The following IQCE variants were observed in gnomAD, a reference collection of about 807,000 sequenced individuals.
IQCE encodes the protein IQ motif containing E.
In IQCE, 115 loss-of-function variants were observed where a neutral mutation model predicts 96.0. That is an observed-to-expected ratio of 1.20 (90% CI 1.03 to 1.40). IQCE has a LOEUF of 1.40. Among genes scored for constraint, IQCE ranks in the 40% most tolerant of loss-of-function variants. The probability of loss-of-function intolerance (pLI) is 0.00; values close to 1 mark genes in which losing one functional copy is unlikely to be tolerated. For synonymous variants in IQCE, 412 were observed against 371.2 expected (o/e 1.11, Z -1.26); for missense variants, 1,041 against 909.1 (o/e 1.15, Z -1.87).
rs76187812 is a variant in IQCE, at chr7:2,608,436, C to T, written c.1969+1209C>T. On this transcript the variant is annotated intron_variant, in intron 21 of 21. Transcript: ENST00000402050. ...CCTGGAAATACCACGTATGAAATCA[C>T]ATTTTATTTTCATTTTTTAACCTAG... Among the ~76,000 whole-genome samples, 305 of 152,366 alleles carry T rather than the reference C, an allele frequency of 2.0e-3. 5 individuals are homozygous for T. The East Asian group carries it at 0.047, about 23-fold the overall frequency.
intron 17 of IQCE, 90 bp from the exon 18 acceptor site, chr7:2,601,351 G>C (rs4506100): frequency 0.73 from 649,577 of 895,956 alleles, 236,454 homozygotes; most frequent in African/African-American, 0.77. Flanking sequence ...TTGGCTTGAT[G>C]GACACCTGTT....
At chr7:2,594,625 CT>C (rs1374430202) in intron 15 of IQCE, among the ~76,000 whole-genome samples, 4 of 152,212 alleles carry the variant, frequency 2.6e-5, no homozygotes, top group Admixed American at 1.3e-4. Flanking sequence ...GTGCTGGGCC[CT>C]GGGGGTCCTC....
intron 18 of IQCE, among the ~76,000 whole-genome samples, chr7:2,602,339 T>C (rs1784490312): frequency 6.6e-6 from 1 of 152,348 alleles, no homozygotes; most frequent in South Asian, 2.1e-4. Context: ...GTTCCAGCCA[T>C]GACCCTTTTT....
chr7:2,592,082 C>T (rs752996236), intron 14 of IQCE, among the ~76,000 whole-genome samples: 9 of 152,246 alleles, frequency 5.9e-5, no homozygotes, highest in South Asian at 2.1e-4. Flanking sequence ...CCACCGCGCC[C>T]GGCCCTACAG....
chr7:2,562,038 A>G lies in IQCE; in HGVS notation c.36+2821A>G, dbSNP rs74655344. Among the ~76,000 whole-genome samples the G allele has an allele frequency of 5.4e-3, 821 of 152,328 alleles. 11 individuals carry two copies. Among genetic ancestry groups the G allele is most frequent in the African/African-American group, 0.019 (780 of 41,572 alleles). On this transcript the variant is annotated intron_variant, in intron 1 of 21. Transcript: ENST00000402050. ...ATATTGTGTTGCCCTGGATTTTTGT[A>G]GATGCCATTTATTAGGCTGAGGAAA...
intron 4 of IQCE, 148 bp from the exon 5 acceptor site, chr7:2,572,044 G>A (rs537539459): frequency 1.3e-6 from 1 of 782,926 alleles, no homozygotes; most frequent in Admixed American, 2.4e-5. Flanking sequence ...TTGGGAGCTG[G>A]TTGGTTAACC....
intron 2 of IQCE, 128 bp from the exon 3 acceptor site, chr7:2,568,826 C>T (rs560132537): frequency 3.6e-5 from 29 of 807,044 alleles, no homozygotes; most frequent in South Asian, 1.9e-4. Context: ...ACCCTCCTTA[C>T]GTCCCCGTAA....
chr7:2,597,059 G>A (rs186512031), intron 16 of IQCE: 175 of 471,296 alleles, frequency 3.7e-4, no homozygotes, highest in African/African-American at 3.2e-3. Context: ...CAGGAGCGGC[G>A]CGTCGGCCAG....
intron 1 of IQCE, among the ~76,000 whole-genome samples, 190 bp from the exon 2 acceptor site, chr7:2,566,926 C>T (rs768048065): frequency 2.0e-5 from 3 of 152,234 alleles, no homozygotes; most frequent in Non-Finnish European, 4.4e-5. Context: ...TCCCCCCACC[C>T]ACCCATTCCT....
chr7:2,606,537 C>T (rs1315165691), intron 20 of IQCE, among the ~76,000 whole-genome samples: 1 of 152,138 alleles, frequency 6.6e-6, no homozygotes, highest in Non-Finnish European at 1.5e-5. Context: ...CGGCCCCGCT[C>T]CGTCACCCCC....
intron 15 of IQCE, among the ~76,000 whole-genome samples, chr7:2,593,982 C>G (rs556416709): frequency 6.6e-6 from 1 of 152,334 alleles, no homozygotes; most frequent in South Asian, 2.1e-4. Context: ...AAAACTGTGG[C>G]CGGGCACAGT....
At position 2,605,925 on chromosome 7, in the gene IQCE, G is replaced by GC. The variant is rs1562684080; in HGVS notation, c.1796dup (p.Val600CysfsTer27). ...AGCCCCATCGCCCAGGCCACGGGCA[G>GC]CCCTGTGCAGGAGGAGGCCATCGTC... On this transcript the variant is annotated frameshift_variant, in exon 20 of 22. Transcript: ENST00000402050. LOFTEE classifies it high-confidence loss of function. 6.2e-7 allele frequency: 1 copy of GC among 1,610,688 alleles called. No homozygotes were observed. The highest frequency in any genetic ancestry group is 8.5e-7 in the Non-Finnish European group (1 of 1,179,046).
chr7:2,599,202 T>G (rs1421147925), intron 17 of IQCE, among the ~76,000 whole-genome samples: 1 of 152,186 alleles, frequency 6.6e-6, no homozygotes, highest in East Asian at 1.9e-4. Flanking sequence ...CGATTTTGTT[T>G]GTTTGTTTTT....
At chr7:2,596,043 C>G (rs562367582) in intron 16 of IQCE, among the ~76,000 whole-genome samples, 5 of 152,202 alleles carry the variant, frequency 3.3e-5, no homozygotes, top group Admixed American at 6.5e-5. Context: ...CATGCATGTT[C>G]AGACGAAAAG....
At chr7:2,591,645 G>T (rs1783596018) in intron 14 of IQCE, among the ~76,000 whole-genome samples, 1 of 139,122 alleles carries the variant, frequency 7.2e-6, no homozygotes, top group Admixed American at 7.6e-5. Flanking sequence ...TTTTGAGACA[G>T]AATCTCACTC....
chr7:2,592,225 C>T (rs566588475), intron 14 of IQCE, among the ~76,000 whole-genome samples: 8 of 152,334 alleles, frequency 5.3e-5, no homozygotes, highest in East Asian at 3.9e-4. Context: ...CGTGAGGTCT[C>T]GGAGTGCATT....
chr7:2,572,326 G>A lies in IQCE; in HGVS notation c.394G>A (p.Gly132Ser), dbSNP rs755027174. 7 of 1,613,512 alleles carry A rather than the reference G, an allele frequency of 4.3e-6. No homozygotes were observed. The African/African-American group carries it at 5.3e-5, about 12-fold the overall frequency. ...RPHLRRSASNGHVPGTPVYRE... is the reference protein window; with the variant it reads ...RPHLRRSASNSHVPGTPVYRE... ...ACATCTCAGGCGCTCTGCCAGCAAC[G>A]GTGAGCATGCCGATGGTGGCGAGGC... Residue 132 changes from glycine (G) to serine (S), a missense_variant and splice_region_variant, in exon 5 of 22, where the codon GGT (glycine) becomes AGT (serine). Physicochemically the swap from Gly to Ser is moderately conservative, Grantham distance 56. Transcript: ENST00000402050.
At chr7:2,608,873 G>A (rs541828225) in intron 21 of IQCE, among the ~76,000 whole-genome samples, 1 of 152,346 alleles carries the variant, frequency 6.6e-6, no homozygotes, top group South Asian at 2.1e-4. Context: ...AGATAACCAT[G>A]AAAGCTGTTT....
At position 2,583,728 on chromosome 7, in the gene IQCE, C is replaced by T. The variant is rs199831221; in HGVS notation, c.774+19C>T. 4.6e-3 allele frequency: 6,047 copies of T among 1,321,290 alleles called. 58 individuals carry two copies. Among genetic ancestry groups the T allele is most frequent in the Non-Finnish European group, 5.4e-3 (5,396 of 1,000,314 alleles). 81.8% of individuals were successfully genotyped at this position (1,321,290 alleles called of 1,614,324 possible). On this transcript the variant is annotated intron_variant, in intron 10 of 21. Coordinates refer to ENST00000402050, the MANE Select transcript of IQCE (RefSeq NM_152558.5). The stretch of plus-strand genomic sequence containing the variant: ...CGAGGAGGTGCGCCGTGCTGGGCGG[C>T]GGAGCGGAGGGCGGGCACCGAGCTG...
Sources: gnomAD v4.1 joint callset for allele counts (sites outside exome capture counted in the v4.1 genomes callset) on GRCh38, gnomAD v4.1.1 for gene constraint, MANE v1.5 for transcripts, NCBI Gene and HGNC (gene_info 2026-07-23, HGNC 2026-07-21) for gene names.